PLEKHH1: variants seen among roughly 807,000 people sequenced by gnomAD.
PLEKHH1 encodes the protein pleckstrin homology, MyTH4 and FERM domain containing H1.
PLEKHH1 carries 104 observed loss-of-function variants against 160.0 expected under a neutral mutation model. That is an observed-to-expected ratio of 0.65 (90% confidence interval 0.55 to 0.76). The LOEUF (loss-of-function observed/expected upper bound fraction) is 0.76. Ranked by LOEUF, PLEKHH1 falls within the 30% of genes least tolerant of loss-of-function variation. The pLI is 0.00. For missense variants in PLEKHH1, 1,427 were observed against 1,724.1 expected (o/e 0.83, Z 3.05); for synonymous variants, 619 against 678.4 (o/e 0.91, Z 1.36).
At chr14:67,568,703 CG>C (rs1221561245) in intron 7 of PLEKHH1, among the ~76,000 whole-genome samples, 1 of 152,078 alleles carries the variant, frequency 6.6e-6, no homozygotes, top group Non-Finnish European at 1.5e-5. Context: ...GTCGTGTGGC[CG>C]CAGTGGCTTC....
chr14:67,566,556 G>T (rs1043484606), intron 7 of PLEKHH1, among the ~76,000 whole-genome samples: 1 of 148,332 alleles, frequency 6.7e-6, no homozygotes, highest in Non-Finnish European at 1.5e-5. Flanking sequence ...ACCAACCTGG[G>T]CAACACGGCG....
chr14:67,581,420 G>T (rs753057850), intron 23 of PLEKHH1, among the ~76,000 whole-genome samples: 3 of 152,046 alleles, frequency 2.0e-5, no homozygotes, highest in South Asian at 2.1e-4. Flanking sequence ...AGCTACTCAG[G>T]GGGGCTGAGG....
chr14:67,533,875 T>C (rs2033581112), intron 1 of PLEKHH1: 1 of 152,170 alleles, frequency 6.6e-6, no homozygotes, highest in South Asian at 2.1e-4. Flanking sequence ...GGGCGCCGAA[T>C]GACACAGAGC....
At chr14:67,569,268 G>C (rs376774375) in intron 8 of PLEKHH1, 52 bp downstream of exon 8, 1 of 1,329,438 alleles carries the variant, frequency 7.5e-7, no homozygotes, top group Non-Finnish European at 1.1e-6. Context: ...TGGGCAGGGT[G>C]GGCAAGCGGG....
At chr14:67,540,109 A>C (rs1170719710) in intron 1 of PLEKHH1, among the ~76,000 whole-genome samples, 2 of 152,154 alleles carry the variant, frequency 1.3e-5, no homozygotes, top group Non-Finnish European at 2.9e-5. Flanking sequence ...AAAAGCAACA[A>C]ATTTTTATTA....
rs1194154716 is a variant in PLEKHH1 at position 67,574,227 on chromosome 14, TC to T, written c.1927-14del. ...CCCAGCGTGCTGCCCCACCCCCATATCTCGCCCTCCACAGCTCATCTCTGAG... is the reference window on the plus strand; with the variant it reads ...CCCAGCGTGCTGCCCCACCCCCATATTCGCCCTCCACAGCTCATCTCTGAG... On this transcript the variant is annotated splice_polypyrimidine_tract_variant and intron_variant, in intron 13 of 28. Transcript: ENST00000329153. The surrounding 1 kb of genome is among the most constrained non-coding windows in gnomAD (Gnocchi z 4.2). The T allele has an allele frequency of 6.3e-7, 1 of 1,577,652 alleles. No individual in the cohort carries two copies. Among genetic ancestry groups the T allele is most frequent in the South Asian group, 1.2e-5 (1 of 84,654 alleles).
chr14:67,577,495 C>T (rs2140503793), intron 18 of PLEKHH1, 81 bp downstream of exon 18: 1 of 876,802 alleles, frequency 1.1e-6, no homozygotes, highest in East Asian at 2.6e-5. Flanking sequence ...TTGGGGACAA[C>T]CCACAGAGGG....
intron 14 of PLEKHH1, 126 bp from the exon 15 acceptor site, chr14:67,575,266 G>A (rs2035571128): frequency 3.2e-6 from 2 of 618,440 alleles, no homozygotes; most frequent in East Asian, 2.8e-5. Flanking sequence ...TTAGTAGGGA[G>A]CCCAAATGGC....
At chr14:67,560,771 C>T (rs2034803057) in intron 5 of PLEKHH1, among the ~76,000 whole-genome samples, 1 of 123,352 alleles carries the variant, frequency 8.1e-6, no homozygotes, top group Non-Finnish European at 1.6e-5. Flanking sequence ...GCTCTTGTTT[C>T]CCAGGCTGGA....
In PLEKHH1 at chr14:67,575,921, G is replaced by A. The variant is rs1283705506; in HGVS notation, c.2268G>A (p.Arg756=). ...ACTATGAGGCTGGAGGAACCAGACG[G>A]TTGCTTTCCTCCCACTGCACCCTGG... ...DEDYEAGGTR[R]LLSSHCTLVI... is the part of the protein sequence containing the mutation. Residue 756 remains arginine, a synonymous_variant, in exon 16 of 29, where the codon CGG becomes CGA. Transcript: ENST00000329153. 6.2e-7 allele frequency: 1 copy of A among 1,613,914 alleles called. No individual in the cohort carries two copies. The highest frequency in any genetic ancestry group is 8.5e-7 in the Non-Finnish European group (1 of 1,179,822).
Position 67,573,980 on chromosome 14 carries a change from A to G in PLEKHH1, c.1926+93A>G, listed in dbSNP as rs2035505722. 2.2e-6 allele frequency: 2 copies of G among 916,552 alleles called. No homozygotes were observed. Among genetic ancestry groups the G allele is most frequent in the Admixed American group, 3.7e-5 (2 of 53,532 alleles). The allele number at this position is 916,552 out of a possible 1,614,324, so 56.8% of individuals were successfully genotyped here. On this transcript the variant is annotated intron_variant, in intron 13 of 28. Transcript: ENST00000329153. The surrounding 1 kb of genome is among the most constrained non-coding windows in gnomAD (Gnocchi z 4.8). Reference sequence around the variant, plus strand: ...GAGACAAAGATGGGGCCAAATGAGCATGAATGAAAGACTTCAGATCAACAT... The same window carrying G: ...GAGACAAAGATGGGGCCAAATGAGCGTGAATGAAAGACTTCAGATCAACAT...
At chr14:67,556,025 C>A in intron 3 of PLEKHH1, 138 bp downstream of exon 3, 2 of 1,165,770 alleles carry the variant, frequency 1.7e-6, no homozygotes, top group Non-Finnish European at 2.4e-6. Flanking sequence ...GTGCGTGGAG[C>A]TTTCTGTGGG....
chr14:67,556,182 A>T (rs1393812809), intron 3 of PLEKHH1, among the ~76,000 whole-genome samples: 1 of 152,228 alleles, frequency 6.6e-6, no homozygotes, highest in East Asian at 1.9e-4. Context: ...ATTGAGGGTT[A>T]GCCAGTGATT....
At position 67,578,089 on chromosome 14, in the gene PLEKHH1, C is replaced by T; in HGVS notation, c.2641C>T (p.Gln881Ter). 6.2e-7 allele frequency: 1 copy of T among 1,613,856 alleles called. No homozygotes were observed. Among genetic ancestry groups the T allele is most frequent in the South Asian group, 1.1e-5 (1 of 91,070 alleles). ...GGTGGACTACCATGTGTCCCTGGCC[C>T]AGACCGCACTGCAGGTCTGCCTGGT... ...ASVDYHVSLA[Q>*]TALQVCLVHP... The change falls in exon 19 of 29, where the codon CAG becomes TAG. Residue 881 changes from glutamine (Q) to a stop codon, truncating the protein, a stop_gained. Transcript: ENST00000329153. LOFTEE classifies it high-confidence loss of function. This position sits in a 1 kb window ranked among gnomAD's most constrained non-coding sequence, Gnocchi z 5.0.
rs1330867936 is a variant in PLEKHH1 at position 67,587,158 on chromosome 14, T to G, written c.4018T>G (p.Cys1340Gly). Residue 1340 changes from cysteine to glycine, a missense_variant, in exon 29 of 29, where the codon TGC (cysteine) becomes GGC (glycine). Transcript: ENST00000329153. The part of the protein sequence containing the change: ...VNPPTNPPGA[C>G]QLWELDGRQF... ...CCCCCCCACCAACCCACCCGGAGCC[T>G]GCCAGCTGTGGGAACTGGATGGACG... is the stretch of plus-strand genomic sequence containing the variant. 2 of 1,613,914 alleles carry G rather than the reference T, an allele frequency of 1.2e-6. No homozygotes were observed. Among genetic ancestry groups the G allele is most frequent in the Non-Finnish European group, 1.7e-6 (2 of 1,179,838 alleles).
At position 67,562,726 on chromosome 14, in the gene PLEKHH1, G is replaced by A. The variant is rs771561257; in HGVS notation, c.1095G>A (p.Glu365=). Residue 365 remains glutamate (E), a synonymous_variant, in exon 7 of 29, where the codon GAG becomes GAA. Transcript: ENST00000329153. Reference sequence around the variant, plus strand: ...ACCCCTCTGGCCTTCCTGAGCTGGAGTCCCGAGCTAGGTCCCGGGAGGAAC... The same window carrying A: ...ACCCCTCTGGCCTTCCTGAGCTGGAATCCCGAGCTAGGTCCCGGGAGGAAC... ...ALHPSGLPEL[E]SRARSREEPE... The A allele has an allele frequency of 6.2e-7, 1 of 1,613,568 alleles. No individual in the cohort carries two copies. Among genetic ancestry groups the A allele is most frequent in the East Asian group, 2.2e-5 (1 of 44,866 alleles).
rs931081448 is a variant in PLEKHH1 at position 67,558,977 on chromosome 14, G to A, written c.340-631G>A. ...GGGGCAAGCAGGTGGAGGACTGGATGTGGCCTGAAGGCCATTGTTTGCCAC... is the reference window on the plus strand; with the variant it reads ...GGGGCAAGCAGGTGGAGGACTGGATATGGCCTGAAGGCCATTGTTTGCCAC... On this transcript the variant is annotated intron_variant, in intron 4 of 28. Coordinates refer to ENST00000329153, the MANE Select transcript of PLEKHH1 (RefSeq NM_020715.3). Among the ~76,000 whole-genome samples the A allele has an allele frequency of 5.3e-5, 8 of 152,350 alleles. No homozygotes were observed. In the South Asian group the frequency reaches 1.7e-3, roughly 32 times the overall value.
At chr14:67,536,011 C>T (rs188954690) in intron 1 of PLEKHH1, among the ~76,000 whole-genome samples, 1 of 152,308 alleles carries the variant, frequency 6.6e-6, no homozygotes, top group East Asian at 1.9e-4. Context: ...TTATTTAGTG[C>T]CTGAGCTCGT....
chr14:67,570,023 G>A lies in PLEKHH1; in HGVS notation c.1434+11G>A. ...ACAGCACTGAAGGGGGTAAGAAACT[G>A]CTGCACAAAGAGGGGGTGTCTCATC... On this transcript the variant is annotated intron_variant, in intron 9 of 28. Coordinates refer to ENST00000329153, the MANE Select transcript of PLEKHH1 (RefSeq NM_020715.3). 1 of 1,535,974 alleles carries A rather than the reference G, an allele frequency of 6.5e-7. No individual in the cohort carries two copies. Among genetic ancestry groups the A allele is most frequent in the Non-Finnish European group, 9.0e-7 (1 of 1,116,892 alleles).
Sources: allele counts gnomAD v4.1 joint callset (sites outside exome capture counted in the v4.1 genomes callset), GRCh38; gene constraint gnomAD v4.1.1; non-coding constraint Gnocchi (gnomAD v3.1); transcripts MANE v1.5; gene names NCBI Gene and HGNC (gene_info 2026-07-23, HGNC 2026-07-21).